The following ACACA variants were observed in gnomAD, a reference collection of about 807,000 sequenced individuals.
ACACA encodes the protein acetyl-CoA carboxylase 1.
ACACA carries 103 observed loss-of-function variants against 296.1 expected under a neutral mutation model. The ratio of observed to expected loss-of-function variants is 0.35; its 90% CI spans 0.30 to 0.41. The LOEUF is 0.41. ACACA is among the 10% of genes least tolerant of loss of function. The pLI is 1.00. For synonymous variants in ACACA, 953 were observed against 1,038.6 expected, an observed-to-expected ratio of 0.92 and a Z score of 1.58; for missense variants, 1,554 against 2,989.7, an observed-to-expected ratio of 0.52 and a Z score of 11.20.
chr17:37,176,357 A>C (rs1024315936), intron 41 of ACACA, among the ~76,000 whole-genome samples: 2 of 152,224 alleles, frequency 1.3e-5, no homozygotes, highest in Admixed American at 6.5e-5. Context: ...TAATGTCTAC[A>C]TAGCACCAAT....
At chr17:37,181,642 G>C (rs546962560) in intron 39 of ACACA, among the ~76,000 whole-genome samples, 11 of 152,180 alleles carry the variant, frequency 7.2e-5, no homozygotes, top group Admixed American at 6.5e-4. Flanking sequence ...GCTCACGCCT[G>C]TAATCCCAGC....
At chr17:37,283,186 G>A (rs2082622629) in intron 5 of ACACA, 81 bp downstream of exon 5, 2 of 1,552,690 alleles carry the variant, frequency 1.3e-6, no homozygotes, top group Non-Finnish European at 8.9e-7. Flanking sequence ...ATCCCCCTAA[G>A]TTAACATTCT....
chr17:37,339,564 A>AC (rs1384739085), intron 2 of ACACA, among the ~76,000 whole-genome samples: 2 of 152,234 alleles, frequency 1.3e-5, no homozygotes, highest in Non-Finnish European at 2.9e-5. Flanking sequence ...AGCTGTCCAG[A>AC]CACTCTAGAA....
At chr17:37,202,690 T>C (rs1241276474) in intron 33 of ACACA, among the ~76,000 whole-genome samples, 8 of 16,956 alleles carry the variant, frequency 4.7e-4, no homozygotes, top group Admixed American at 4.2e-3. Flanking sequence ...TATATATATA[T>C]ATATATATAT....
intron 52 of ACACA, among the ~76,000 whole-genome samples, chr17:37,104,691 C>T (rs1305483419): frequency 2.0e-5 from 3 of 152,154 alleles, no homozygotes; most frequent in Non-Finnish European, 4.4e-5. Context: ...CCTGTAATAT[C>T]AGCACTTTGA....
chr17:37,229,236 T>C (rs1428197831), intron 25 of ACACA, among the ~76,000 whole-genome samples: 1 of 152,210 alleles, frequency 6.6e-6, no homozygotes, highest in Non-Finnish European at 1.5e-5. Flanking sequence ...AGGTTTACCT[T>C]TACAGATGAA....
chr17:37,352,481 G>A lies in ACACA; in HGVS notation c.39-12631C>T, dbSNP rs75073088. Among the ~76,000 whole-genome samples the A allele has an allele frequency of 9.2e-5, 14 of 152,196 alleles. No individual in the cohort carries two copies. The East Asian group carries it at 2.7e-3, about 29-fold the overall frequency. On this transcript the variant is annotated intron_variant, in intron 1 of 55. Transcript: ENST00000616317. ...TAATCTCAACACTTTGGGAGCCCGA[G>A]GCAGGAAGATCGCTTGAGCCCAGGA...
At position 37,125,717 on chromosome 17, in the gene ACACA, C is replaced by T; in HGVS notation, c.6022G>A (p.Val2008Met). The T allele has an allele frequency of 6.2e-7, 1 of 1,614,052 alleles. No individual in the cohort carries two copies. Among genetic ancestry groups the T allele is most frequent in the Non-Finnish European group, 8.5e-7 (1 of 1,179,968 alleles). ...SEIMQPWAQTVVVGRARLGGI... is the reference protein window; with the variant it reads ...SEIMQPWAQTMVVGRARLGGI... ...TCTTACCTGGCTCTACCAACCACCA[C>T]AGTCTGTGCCCAGGGCTGCATAATC... The change falls in exon 48 of 56, where the codon GTG (valine) becomes ATG (methionine). Residue 2008 changes from valine to methionine, a missense_variant. Transcript: ENST00000616317.
In ACACA at chr17:37,118,347, T is replaced by C. The variant is rs1206825682; in HGVS notation, c.6274+3008A>G. On this transcript the variant is annotated intron_variant, in intron 50 of 55. Coordinates refer to ENST00000616317, the MANE Select transcript of ACACA (RefSeq NM_198834.3). ...TTTGGGTGTAGATACCAGTGATAGTTACACAACACTGTGAATGTATTTAGT... is the reference window on the plus strand; with the variant it reads ...TTTGGGTGTAGATACCAGTGATAGTCACACAACACTGTGAATGTATTTAGT... Among the ~76,000 whole-genome samples the C allele has an allele frequency of 2.0e-5, 3 of 152,260 alleles. No individual in the cohort carries two copies. In the East Asian group the frequency reaches 5.8e-4, roughly 29 times the overall value.
intron 1 of ACACA, among the ~76,000 whole-genome samples, chr17:37,369,781 C>T (rs1457610212): frequency 2.0e-5 from 3 of 152,104 alleles, no homozygotes; most frequent in Non-Finnish European, 4.4e-5. Context: ...TCTTGGCTCA[C>T]TGCAACCTCC....
intron 42 of ACACA, among the ~76,000 whole-genome samples, chr17:37,160,965 G>C (rs1472675159): frequency 1.3e-5 from 2 of 152,088 alleles, no homozygotes; most frequent in Non-Finnish European, 2.9e-5. Flanking sequence ...TGAGATTATG[G>C]GGAATGAGAG....
chr17:37,135,021 G>A (rs1250591285), intron 45 of ACACA, among the ~76,000 whole-genome samples: 1 of 152,158 alleles, frequency 6.6e-6, no homozygotes, highest in African/African-American at 2.4e-5. Flanking sequence ...AAGGGAGGGG[G>A]AGAGAAAGGA....
chr17:37,323,520 A>G (rs575084936), intron 3 of ACACA, among the ~76,000 whole-genome samples: 42 of 152,358 alleles, frequency 2.8e-4, no homozygotes, highest in African/African-American at 9.4e-4. Flanking sequence ...GTTTGAGCCC[A>G]GGAGTTGGAA....
chr17:37,382,880 T>TA (rs1568084089), intron 1 of ACACA, among the ~76,000 whole-genome samples: 2 of 150,978 alleles, frequency 1.3e-5, no homozygotes, highest in Admixed American at 6.6e-5. Flanking sequence ...CAAAACAAAA[T>TA]AAAAAAATTA....
intron 18 of ACACA, 110 bp downstream of exon 18, chr17:37,247,901 T>TTA: frequency 7.6e-7 from 1 of 1,314,312 alleles, no homozygotes; most frequent in Non-Finnish European, 1.0e-6. Context: ...TTTTTTTTTT[T>TTA]AACTACAAAT....
chr17:37,235,064 C>G lies in ACACA; in HGVS notation c.3157G>C (p.Glu1053Gln). Residue 1053 changes from glutamate to glutamine, a missense_variant, in exon 25 of 56, where the codon GAG (glutamate) becomes CAG (glutamine). Glu to Gln is a conservative substitution (Grantham distance 29). This residue lies in a region of ACACA where 316 missense variants were observed against 540.9 expected (regional missense o/e 0.58). Coordinates refer to ENST00000616317, the MANE Select transcript of ACACA (RefSeq NM_198834.3). ...YDKCVFALRE[E>Q]NKSDMNTVLN... is the part of the protein sequence containing the mutation. The stretch of plus-strand genomic sequence containing the variant: ...ACAGTGTTCATGTCACTTTTATTCT[C>G]TTCTCGGAGGGCGAATACACATTTG... The G allele has an allele frequency of 6.2e-7, 1 of 1,613,720 alleles. No homozygotes were observed. The highest frequency in any genetic ancestry group is 8.5e-7 in the Non-Finnish European group (1 of 1,179,932).
intron 41 of ACACA, chr17:37,162,748 G>T: frequency 4.9e-6 from 1 of 206,122 alleles, no homozygotes; most frequent in South Asian, 6.8e-5. Context: ...TCCCGTCTCT[G>T]GTACTTGGTA....
chr17:37,214,138 C>T (rs2078880851), intron 29 of ACACA, among the ~76,000 whole-genome samples: 1 of 152,172 alleles, frequency 6.6e-6, no homozygotes, highest in Non-Finnish European at 1.5e-5. Context: ...GCTGAATAAC[C>T]TACTAGCAGC....
At chr17:37,296,301 C>CTTTT (rs369893845) in intron 3 of ACACA, among the ~76,000 whole-genome samples, 23 of 100,366 alleles carry the variant, frequency 2.3e-4, no homozygotes, top group African/African-American at 6.0e-4. Context: ...TCTTTGGAGC[C>CTTTT]TTTTTTTTTT....
Sources: allele counts gnomAD v4.1 joint callset (sites outside exome capture counted in the v4.1 genomes callset), GRCh38; gene constraint gnomAD v4.1.1; regional missense constraint gnomAD v4.1.1; transcripts MANE v1.5; gene names NCBI Gene and HGNC (gene_info 2026-07-23, HGNC 2026-07-21).